The following FGF14 variants were observed in gnomAD, a reference collection of about 807,000 sequenced individuals.
FGF14 encodes the protein fibroblast growth factor homologous factor 4.
A neutral mutation model predicts 25.5 loss-of-function variants in FGF14; 5 were observed. That is an observed-to-expected ratio of 0.20 (90% confidence interval 0.10 to 0.41). The LOEUF (loss-of-function observed/expected upper bound fraction) is 0.41, where lower values mean the gene tolerates loss of function less well. FGF14 is among the 10% of genes least tolerant of loss of function. FGF14 has a pLI of 1.00. For synonymous variants in FGF14, 138 were observed against 118.3 expected (o/e 1.17, Z -1.08); for missense variants, 222 against 320.1 (o/e 0.69, Z 2.34).
intron 1 of FGF14, among the ~76,000 whole-genome samples, chr13:102,230,521 C>G (rs532782928): frequency 6.6e-6 from 1 of 152,102 alleles, no homozygotes; most frequent in African/African-American, 2.4e-5. Flanking sequence ...ATACCAGCTC[C>G]CCCTTCCTAG....
intron 1 of FGF14, among the ~76,000 whole-genome samples, chr13:102,029,949 T>C (rs755087569): frequency 1.3e-5 from 2 of 152,086 alleles, no homozygotes; most frequent in Non-Finnish European, 2.9e-5. Flanking sequence ...ATTGTTCTTG[T>C]CTTCATAGAG....
At chr13:101,803,318 G>C (rs1488165915) in intron 3 of FGF14, among the ~76,000 whole-genome samples, 3 of 151,764 alleles carry the variant, frequency 2.0e-5, no homozygotes, top group Admixed American at 6.6e-5. Context: ...TTATGGAATT[G>C]GGGGTCTCAC....
At chr13:101,878,533 TAGAG>T (rs2045524696) in intron 1 of FGF14, among the ~76,000 whole-genome samples, 1 of 152,096 alleles carries the variant, frequency 6.6e-6, no homozygotes, top group Non-Finnish European at 1.5e-5. Flanking sequence ...AAAAATCCCA[TAGAG>T]AGAATAAGGA....
intron 1 of FGF14, among the ~76,000 whole-genome samples, chr13:101,999,066 A>G (rs141998724): frequency 5.9e-5 from 9 of 152,330 alleles, no homozygotes; most frequent in East Asian, 3.9e-4. Flanking sequence ...ACCAAATGCT[A>G]AGACTAGGGA....
rs1047883663 is a variant in FGF14, at chr13:101,715,500, T to C, written c.*7331A>G. 9.3e-7 allele frequency: 1 copy of C among 1,076,036 alleles called. No individual in the cohort carries two copies. The highest frequency in any genetic ancestry group is 1.3e-5 in the South Asian group (1 of 79,556). 66.7% of individuals were successfully genotyped at this position (1,076,036 alleles called of 1,614,324 possible). A position where few individuals can be genotyped will look rare whatever the true frequency, so the allele number is the denominator to read the frequency against. ...CATTGTGGACACTTGTGATTTATAA[T>C]AGCATGTTTAAATTTGGCACATTTT... On this transcript the variant is annotated 3_prime_UTR_variant, in exon 5 of 5. Transcript: ENST00000376143.
intron 3 of FGF14, among the ~76,000 whole-genome samples, chr13:101,823,540 C>A (rs910138568): frequency 1.3e-5 from 2 of 150,740 alleles, no homozygotes; most frequent in Admixed American, 1.3e-4. Flanking sequence ...CAGGTTCAAG[C>A]GATTCTCCTG....
chr13:102,311,081 T>C (rs928285216), intron 1 of FGF14, among the ~76,000 whole-genome samples: 1 of 152,088 alleles, frequency 6.6e-6, no homozygotes, highest in South Asian at 2.1e-4. Flanking sequence ...CGGTCAGCCA[T>C]TAACTAGGCT....
At chr13:101,976,401 A>G (rs550125907) in intron 1 of FGF14, among the ~76,000 whole-genome samples, 1 of 152,160 alleles carries the variant, frequency 6.6e-6, no homozygotes, top group Non-Finnish European at 1.5e-5. Context: ...TTTTTGTTGT[A>G]TTCTTCAATA....
intron 1 of FGF14, among the ~76,000 whole-genome samples, chr13:101,959,649 A>C (rs17687720): frequency 0.1 from 15,456 of 152,228 alleles, 913 homozygotes; most frequent in Admixed American, 0.2. Flanking sequence ...GCTCAGGTTA[A>C]ATTCCACAAG....
chr13:101,808,894 AT>A (rs2041346690), intron 3 of FGF14, among the ~76,000 whole-genome samples: 1 of 152,138 alleles, frequency 6.6e-6, no homozygotes, highest in Admixed American at 6.6e-5. Flanking sequence ...GCATAATGTA[AT>A]TTACAACTTC....
At chr13:102,361,202 A>G (rs927086993) in intron 1 of FGF14, among the ~76,000 whole-genome samples, 2 of 152,148 alleles carry the variant, frequency 1.3e-5, no homozygotes, top group Non-Finnish European at 2.9e-5. Flanking sequence ...GTTTCAAAGA[A>G]AAGCAAATGT....
chr13:102,291,898 G>A (rs2054422906), intron 1 of FGF14, among the ~76,000 whole-genome samples: 1 of 152,130 alleles, frequency 6.6e-6, no homozygotes, highest in Non-Finnish European at 1.5e-5. Context: ...TTGTCCACAT[G>A]GTGCCTGTGG....
intron 1 of FGF14, among the ~76,000 whole-genome samples, chr13:102,071,976 A>G (rs1257147900): frequency 6.6e-6 from 1 of 152,206 alleles, no homozygotes; most frequent in Non-Finnish European, 1.5e-5. Flanking sequence ...CAGCATATAA[A>G]AAAGTAAATG....
chr13:102,394,577 C>CA (rs1194193325), intron 1 of FGF14: 1 of 152,274 alleles, frequency 6.6e-6, no homozygotes, highest in Non-Finnish European at 1.5e-5. Flanking sequence ...ATCTCCGTGG[C>CA]AACGGAAACT....
intron 1 of FGF14, among the ~76,000 whole-genome samples, chr13:102,068,153 G>A (rs1266592312): frequency 6.6e-6 from 1 of 152,198 alleles, no homozygotes; most frequent in African/African-American, 2.4e-5. Flanking sequence ...TATAAGAAAT[G>A]CTAAAGGTAG....
chr13:102,002,705 G>A (rs1175390880), intron 1 of FGF14: 1 of 152,388 alleles, frequency 6.6e-6, no homozygotes, highest in African/African-American at 2.4e-5. Flanking sequence ...TGTCTTCTTT[G>A]GTAAAGAGCC....
rs139385193 is a variant in FGF14, at chr13:101,834,121, T to G, written c.408+34604A>C. ...AAAAAATGTGAAACACTGTAGAACT[T>G]GAACTGAAATGTCAAAGTGCTCCTA... On this transcript the variant is annotated intron_variant, in intron 3 of 4. Coordinates refer to ENST00000376143, the MANE Select transcript of FGF14 (RefSeq NM_004115.4). Among the ~76,000 whole-genome samples the G allele has an allele frequency of 2.4e-3, 359 of 152,196 alleles. 1 individual carries two copies. Among genetic ancestry groups the G allele is most frequent in the African/African-American group, 8.1e-3 (338 of 41,550 alleles).
At chr13:102,011,102 T>C (rs1233946464) in intron 1 of FGF14, among the ~76,000 whole-genome samples, 2 of 152,216 alleles carry the variant, frequency 1.3e-5, no homozygotes, top group African/African-American at 4.8e-5. Flanking sequence ...GAACAAGATT[T>C]TGAAAACTTG....
intron 1 of FGF14, among the ~76,000 whole-genome samples, chr13:102,261,362 C>T (rs1211291553): frequency 1.3e-5 from 2 of 152,114 alleles, no homozygotes; most frequent in Admixed American, 6.5e-5. Flanking sequence ...TATAGCAATG[C>T]TACCAGTTTT....
Sources: gnomAD v4.1 joint callset for allele counts (sites outside exome capture counted in the v4.1 genomes callset) on GRCh38, gnomAD v4.1.1 for gene constraint, MANE v1.5 for transcripts, NCBI Gene and HGNC (gene_info 2026-07-23, HGNC 2026-07-21) for gene names.